The following TRAK2 variants were observed in gnomAD, a reference collection of about 807,000 sequenced individuals.
TRAK2 encodes trafficking kinesin-binding protein 2.
In TRAK2, 81 loss-of-function variants were observed where a neutral mutation model predicts 104.6. The ratio of observed to expected loss-of-function variants is 0.77; its 90% CI spans 0.65 to 0.93. The LOEUF (loss-of-function observed/expected upper bound fraction) is 0.93, where lower values mean the gene tolerates loss of function less well. Ranked by LOEUF, TRAK2 falls within the 40% of genes least tolerant of loss-of-function variation. TRAK2 has a pLI of 0.00. For missense variants in TRAK2, 1,002 were observed against 1,089.0 expected (o/e 0.92, Z 1.12); for synonymous variants, 406 against 394.4 (o/e 1.03, Z -0.35).
chr2:201,412,985 T>G, intron 2 of TRAK2: 1 of 774,554 alleles, frequency 1.3e-6, no homozygotes, highest in Non-Finnish European at 2.4e-6. Context: ...ATCCCTGGAT[T>G]CTTCTAAAGA....
chr2:201,394,977 A>G (rs572432349), intron 8 of TRAK2, 105 bp from the exon 9 acceptor site: 2 of 993,372 alleles, frequency 2.0e-6, no homozygotes, highest in South Asian at 3.2e-5. Flanking sequence ...GTATCATCTT[A>G]AAGCCTACAA....
chr2:201,403,714 T>C (rs1291930214), intron 3 of TRAK2, among the ~76,000 whole-genome samples: 2 of 151,304 alleles, frequency 1.3e-5, no homozygotes, highest in East Asian at 3.9e-4. Flanking sequence ...GTTTTGCCAG[T>C]TTTCCATAGA....
At chr2:201,449,623 T>C (rs1465008575) in intron 1 of TRAK2, among the ~76,000 whole-genome samples, 1 of 151,538 alleles carries the variant, frequency 6.6e-6, no homozygotes, top group African/African-American at 2.4e-5. Flanking sequence ...TAGCTGGGAC[T>C]GCAGGCATGT....
At chr2:201,398,003 A>C in intron 6 of TRAK2, 142 bp downstream of exon 6, 1 of 776,592 alleles carries the variant, frequency 1.3e-6, no homozygotes, top group Non-Finnish European at 2.1e-6. Flanking sequence ...AAGGCAAGAA[A>C]AATACAGCTC....
At chr2:201,409,605 A>C (rs1251819761) in intron 2 of TRAK2, among the ~76,000 whole-genome samples, 1 of 152,222 alleles carries the variant, frequency 6.6e-6, no homozygotes, top group African/African-American at 2.4e-5. Flanking sequence ...GTTTGCATTT[A>C]AGATGGTTAG....
intron 3 of TRAK2, among the ~76,000 whole-genome samples, chr2:201,403,078 T>TA (rs11399150): frequency 0.97 from 147,686 of 152,206 alleles, 71,805 homozygotes; most frequent in Non-Finnish European, 1. Context: ...GTTAAGGATA[T>TA]AAAAACAACT....
At position 201,410,883 on chromosome 2, in the gene TRAK2, G is replaced by T. The variant is rs888653001; in HGVS notation, c.92-3286C>A. ...CAGCAGGAGGAACATTCAAAGCACT[G>T]AAGTTTGGCAAAGTGGGAGGTGTTC... On this transcript the variant is annotated intron_variant, in intron 2 of 15. Coordinates refer to ENST00000332624, the MANE Select transcript of TRAK2 (RefSeq NM_015049.3). 1.8e-5 allele frequency: 29 copies of T among 1,587,912 alleles called. No individual in the cohort carries two copies. The Admixed American group carries it at 4.9e-4, about 27-fold the overall frequency.
chr2:201,381,678 T>A (rs558513791), intron 15 of TRAK2, among the ~76,000 whole-genome samples: 1 of 152,246 alleles, frequency 6.6e-6, no homozygotes, highest in South Asian at 2.1e-4. Context: ...TACCAACTTT[T>A]AAAAAAATAC....
chr2:201,443,040 T>C (rs931618059), intron 1 of TRAK2, among the ~76,000 whole-genome samples: 3 of 152,186 alleles, frequency 2.0e-5, no homozygotes, highest in African/African-American at 7.2e-5. Context: ...TTCACCTTCT[T>C]CTTTGGCTTA....
In TRAK2 at chr2:201,407,413, G is replaced by A; in HGVS notation, c.276C>T (p.Phe92=). 6.2e-7 allele frequency: 1 copy of A among 1,613,328 alleles called. No homozygotes were observed. Among genetic ancestry groups the A allele is most frequent in the Non-Finnish European group, 8.5e-7 (1 of 1,179,696 alleles). The change falls in exon 3 of 16, where the codon TTC becomes TTT. Residue 92 remains phenylalanine (F), a synonymous_variant. Transcript: ENST00000332624. The stretch of plus-strand genomic sequence containing the variant: ...AAAAAAAATACTCACTCATGTAACG[G>A]AAAGTCTCTTCAGCAAGGACTGGAG... ...ALSPVLAEET[F]RYMILGTDRV...
chr2:201,401,142 A>T, intron 3 of TRAK2, 48 bp from the exon 4 acceptor site: 1 of 1,280,246 alleles, frequency 7.8e-7, no homozygotes, highest in South Asian at 1.6e-5. Context: ...AATAATGAAA[A>T]AATTTAAATA....
In TRAK2 at chr2:201,378,653, CTT is replaced by C. The variant is rs1468659341; in HGVS notation, c.*1888_*1889del. ...TTAATGCCTGCCCCATTCAGGGACA[CTT>C]ATATTCACATATAAACCTGCTGGAA... On this transcript the variant is annotated 3_prime_UTR_variant, in exon 16 of 16. Transcript: ENST00000332624. 1 of 152,182 alleles carries C rather than the reference CTT, an allele frequency of 6.6e-6. No individual in the cohort carries two copies. Among genetic ancestry groups the C allele is most frequent in the Non-Finnish European group, 1.5e-5 (1 of 68,030 alleles). The allele number at this position is 152,182 out of a possible 1,614,324, so 9.4% of individuals were successfully genotyped here. A position where few individuals can be genotyped will look rare whatever the true frequency, so the allele number is the denominator to read the frequency against.
At chr2:201,417,902 T>C (rs1951707548) in intron 2 of TRAK2, among the ~76,000 whole-genome samples, 1 of 152,138 alleles carries the variant, frequency 6.6e-6, no homozygotes. Flanking sequence ...ATCAATTTCA[T>C]TTATATATAG....
chr2:201,428,350 C>A (rs182261342), intron 1 of TRAK2, among the ~76,000 whole-genome samples: 1 of 152,126 alleles, frequency 6.6e-6, no homozygotes, highest in South Asian at 2.1e-4. Flanking sequence ...TTTGTATAAG[C>A]TGTAAGGAAG....
Position 201,418,927 on chromosome 2 carries a change from G to A in TRAK2, c.91+1490C>T, listed in dbSNP as rs182945632. ...AAAGACACCAGTAAGAAGATGAAAAGGCAAGCCAAAGTCTGGGACAAAATA... is the reference window on the plus strand; with the variant it reads ...AAAGACACCAGTAAGAAGATGAAAAAGCAAGCCAAAGTCTGGGACAAAATA... On this transcript the variant is annotated intron_variant, in intron 2 of 15. Transcript: ENST00000332624. Among the ~76,000 whole-genome samples, 653 of 152,232 alleles carry A rather than the reference G, an allele frequency of 4.3e-3. 10 individuals are homozygous for A. Among genetic ancestry groups the A allele is most frequent in the Non-Finnish European group, 2.4e-3 (166 of 68,014 alleles).
chr2:201,449,836 G>A (rs1951998953), intron 1 of TRAK2, among the ~76,000 whole-genome samples: 1 of 151,928 alleles, frequency 6.6e-6, no homozygotes, highest in South Asian at 2.1e-4. Context: ...GTAGAGACGG[G>A]GTTTCACCAT....
chr2:201,393,220 A>ATC (rs1211726714), intron 9 of TRAK2, among the ~76,000 whole-genome samples, 174 bp from the exon 10 acceptor site: 1 of 152,176 alleles, frequency 6.6e-6, no homozygotes, highest in Non-Finnish European at 1.5e-5. Flanking sequence ...ATATATATAT[A>ATC]TTGAGCTACC....
intron 1 of TRAK2, among the ~76,000 whole-genome samples, chr2:201,436,970 AGTAAT>A (rs1278595272): frequency 6.6e-6 from 1 of 152,212 alleles, no homozygotes; most frequent in Non-Finnish European, 1.5e-5. Context: ...TACCTATTTT[AGTAAT>A]GTAATTCTAC....
intron 9 of TRAK2, among the ~76,000 whole-genome samples, 178 bp downstream of exon 9, chr2:201,394,620 C>T (rs1490360595): frequency 6.6e-6 from 1 of 152,168 alleles, no homozygotes; most frequent in Non-Finnish European, 1.5e-5. Context: ...GGATTACAGG[C>T]GTGAGCCACC....
Sources: allele counts gnomAD v4.1 joint callset (sites outside exome capture counted in the v4.1 genomes callset), GRCh38; gene constraint gnomAD v4.1.1; transcripts MANE v1.5; gene names NCBI Gene and HGNC (gene_info 2026-07-23, HGNC 2026-07-21).